The following LMCD1 variants were observed in gnomAD, a reference collection of about 807,000 sequenced individuals.
LMCD1 encodes LIM and cysteine rich domains 1.
LMCD1 carries 32 observed loss-of-function variants against 42.7 expected under a neutral mutation model. The ratio of observed to expected loss-of-function variants is 0.75; its 90% CI spans 0.57 to 1.01. The LOEUF is 1.01. Ranked by LOEUF, LMCD1 falls within the 50% of genes least tolerant of loss-of-function variation. The pLI, the probability that LMCD1 is intolerant of heterozygous loss-of-function variation, is 0.00. For synonymous variants in LMCD1, 178 were observed against 184.9 expected (o/e 0.96, Z 0.30); for missense variants, 458 against 483.1 (o/e 0.95, Z 0.49).
At chr3:8,509,323 T>C (rs965705010) in intron 1 of LMCD1, among the ~76,000 whole-genome samples, 1 of 152,156 alleles carries the variant, frequency 6.6e-6, no homozygotes, top group Admixed American at 6.5e-5. Context: ...GCCATAAATA[T>C]ACTCAGGCCA....
chr3:8,508,951 C>T (rs1445708777), intron 1 of LMCD1, among the ~76,000 whole-genome samples: 1 of 152,174 alleles, frequency 6.6e-6, no homozygotes, highest in African/African-American at 2.4e-5. Flanking sequence ...ACAACATTTG[C>T]AAGCACAAAG....
chr3:8,549,004 T>A, intron 4 of LMCD1, 101 bp downstream of exon 4: 11 of 844,412 alleles, frequency 1.3e-5, no homozygotes, highest in South Asian at 5.2e-5. Flanking sequence ...TTCATGCATT[T>A]ATTCATGAAT....
At position 8,567,302 on chromosome 3, in the gene LMCD1, G is replaced by T; in HGVS notation, c.940-138G>T. The T allele has an allele frequency of 4.7e-6, 4 of 846,826 alleles. No individual in the cohort carries two copies. In the Admixed American group the frequency reaches 1.1e-4, roughly 22 times the overall value. 52.5% of individuals were successfully genotyped at this position (846,826 alleles called of 1,614,324 possible). ...TCCTTACTGCCTCAAATTTATGCCA[G>T]ATTTTTCCACTAAGGCTTTAAAAGG... On this transcript the variant is annotated intron_variant, in intron 5 of 5. Transcript: ENST00000157600.
At chr3:8,543,998 C>G (rs1339045962) in intron 3 of LMCD1, among the ~76,000 whole-genome samples, 2 of 152,214 alleles carry the variant, frequency 1.3e-5, no homozygotes, top group African/African-American at 4.8e-5. Context: ...CGAAGCCCTT[C>G]CCAGATGTTG....
rs141907084 is a variant in LMCD1, at chr3:8,531,482, C to T, written c.43-1255C>T. ...GTCTAGTGCCTAATGTGGTCCTGCA[C>T]GTTACTATATTATCTCGGTATCCAC... On this transcript the variant is annotated intron_variant, in intron 1 of 5. Coordinates refer to ENST00000157600, the MANE Select transcript of LMCD1 (RefSeq NM_014583.4). 5.4e-3 allele frequency among the ~76,000 whole-genome samples: 817 copies of T among 152,216 alleles called. 8 individuals carry two copies. Among genetic ancestry groups the T allele is most frequent in the Middle Eastern group, 0.02 (6 of 294 alleles).
chr3:8,557,846 G>A (rs537646858), intron 4 of LMCD1, among the ~76,000 whole-genome samples: 8 of 152,300 alleles, frequency 5.3e-5, no homozygotes, highest in South Asian at 4.1e-4. Flanking sequence ...TGTCCATTCG[G>A]TGTCACTTGG....
chr3:8,560,717 G>A (rs113346942), intron 4 of LMCD1, among the ~76,000 whole-genome samples: 1 of 152,302 alleles, frequency 6.6e-6, no homozygotes, highest in Non-Finnish European at 1.5e-5. Flanking sequence ...ATGATGACTG[G>A]TCACTGATTT....
chr3:8,543,460 T>TAGAC (rs1300354766), intron 3 of LMCD1, among the ~76,000 whole-genome samples: 4 of 149,422 alleles, frequency 2.7e-5, no homozygotes, highest in Non-Finnish European at 5.9e-5. Context: ...GACAGAGAGA[T>TAGAC]AGACAGACAG....
chr3:8,567,354 C>A, intron 5 of LMCD1, 86 bp from the exon 6 acceptor site: 2 of 1,371,484 alleles, frequency 1.5e-6, no homozygotes, highest in Admixed American at 2.1e-5. Flanking sequence ...ATGGGATGAA[C>A]CACCACCCTA....
rs1695237056 is a variant in LMCD1, at chr3:8,572,585, T to C, written c.*4987T>C. On this transcript the variant is annotated 3_prime_UTR_variant, in exon 6 of 6. Transcript: ENST00000157600. The stretch of plus-strand genomic sequence containing the variant: ...TCTTTAGTGTTTATTAGCATTCTAC[T>C]ATAAGGAAAAGCACTATCTTCTCCC... 1 of 152,240 alleles carries C rather than the reference T, an allele frequency of 6.6e-6. No individual in the cohort carries two copies. The highest frequency in any genetic ancestry group is 2.4e-5 in the African/African-American group (1 of 41,472). 9.4% of individuals were successfully genotyped at this position (152,240 alleles called of 1,614,324 possible). A position where few individuals can be genotyped will look rare whatever the true frequency, so the allele number is the denominator to read the frequency against.
intron 1 of LMCD1, among the ~76,000 whole-genome samples, chr3:8,510,223 G>A (rs530211595): frequency 6.2e-4 from 95 of 152,256 alleles, no homozygotes; most frequent in Middle Eastern, 6.8e-3. Flanking sequence ...AGAGGTGAAG[G>A]CAAAGTAGAT....
chr3:8,548,456 G>A, intron 3 of LMCD1, 112 bp from the exon 4 acceptor site: 1 of 633,312 alleles, frequency 1.6e-6, no homozygotes, highest in Non-Finnish European at 2.5e-6. Flanking sequence ...TTCAGTTGCT[G>A]AGAATGCTGG....
chr3:8,526,554 G>A (rs540976276), intron 1 of LMCD1, among the ~76,000 whole-genome samples: 1 of 152,262 alleles, frequency 6.6e-6, no homozygotes, highest in Admixed American at 6.5e-5. Flanking sequence ...ATGTATCAGT[G>A]GTCTCAAACT....
At chr3:8,521,459 T>C (rs1410871827) in intron 1 of LMCD1, among the ~76,000 whole-genome samples, 2 of 152,218 alleles carry the variant, frequency 1.3e-5, no homozygotes, top group East Asian at 3.9e-4. Flanking sequence ...TTTTCCATGC[T>C]TCCCCTTCTC....
At chr3:8,536,113 G>A (rs934022530) in intron 2 of LMCD1, among the ~76,000 whole-genome samples, 3 of 152,192 alleles carry the variant, frequency 2.0e-5, no homozygotes, top group Non-Finnish European at 4.4e-5. Flanking sequence ...CTGTAGGAGG[G>A]AAAAGGAGGG....
At chr3:8,555,906 A>T (rs1017426827) in intron 4 of LMCD1, among the ~76,000 whole-genome samples, 6 of 152,138 alleles carry the variant, frequency 3.9e-5, no homozygotes, top group Non-Finnish European at 7.4e-5. Context: ...ATCTAAACAG[A>T]TGACCCTGGC....
chr3:8,571,219 A>C lies in LMCD1; in HGVS notation c.*3621A>C, dbSNP rs1010029559. The C allele has an allele frequency of 6.6e-6, 1 of 152,084 alleles. No individual in the cohort carries two copies. Among genetic ancestry groups the C allele is most frequent in the African/African-American group, 2.4e-5 (1 of 41,410 alleles). 9.4% of individuals were successfully genotyped at this position (152,084 alleles called of 1,614,324 possible). On this transcript the variant is annotated 3_prime_UTR_variant, in exon 6 of 6. Coordinates refer to ENST00000157600, the MANE Select transcript of LMCD1 (RefSeq NM_014583.4). Reference sequence around the variant, plus strand: ...TCTTCCAAGGCCTTTATTGTGCTATAATTATTTATTCATGAAAGCCTTCCC... The same window carrying C: ...TCTTCCAAGGCCTTTATTGTGCTATCATTATTTATTCATGAAAGCCTTCCC...
intron 1 of LMCD1, among the ~76,000 whole-genome samples, chr3:8,502,680 C>T (rs1226713924): frequency 3.3e-5 from 5 of 151,526 alleles, no homozygotes; most frequent in African/African-American, 1.2e-4. Context: ...TTTCTGTCCC[C>T]AGGGTCTGCA....
intron 3 of LMCD1, among the ~76,000 whole-genome samples, chr3:8,547,223 T>C (rs1694754222): frequency 6.6e-6 from 1 of 152,226 alleles, no homozygotes; most frequent in African/African-American, 2.4e-5. Context: ...AGTGTCTCTT[T>C]CTCACACGCA....
Sources: gnomAD v4.1 joint callset for allele counts (sites outside exome capture counted in the v4.1 genomes callset) on GRCh38, gnomAD v4.1.1 for gene constraint, MANE v1.5 for transcripts, NCBI Gene and HGNC (gene_info 2026-07-23, HGNC 2026-07-21) for gene names.